The following LARS2 variants were observed in gnomAD, a reference collection of about 807,000 sequenced individuals.
LARS2 encodes the protein leucyl-tRNA synthetase 2, mitochondrial, also known as leucine--tRNA ligase, mitochondrial.
In LARS2, 81 loss-of-function variants were observed where a neutral mutation model predicts 116.6. That is an observed-to-expected ratio of 0.69 (90% CI 0.58 to 0.84). The LOEUF (loss-of-function observed/expected upper bound fraction) is 0.84, where lower values mean the gene tolerates loss of function less well. Among genes scored for constraint, LARS2 ranks in the 40% least tolerant of loss-of-function variants. The pLI, the probability that LARS2 is intolerant of heterozygous loss-of-function variation, is 0.00. For missense variants in LARS2, 968 were observed against 1,114.5 expected (o/e 0.87, Z 1.87); for synonymous variants, 396 against 407.2 (o/e 0.97, Z 0.33).
chr3:45,390,934 C>A (rs1251700070), intron 1 of LARS2, among the ~76,000 whole-genome samples: 1 of 152,164 alleles, frequency 6.6e-6, no homozygotes, highest in Non-Finnish European at 1.5e-5. Flanking sequence ...GCCACCGCAC[C>A]TGGCCCTTTG....
At chr3:45,536,146 G>A (rs1700701840) in intron 20 of LARS2, among the ~76,000 whole-genome samples, 1 of 55,328 alleles carries the variant, frequency 1.8e-5, no homozygotes, top group Non-Finnish European at 3.3e-5. Context: ...TTTTGAGACA[G>A]GGTCTCACTC....
At chr3:45,520,874 G>T (rs1700441987) in intron 19 of LARS2, among the ~76,000 whole-genome samples, 1 of 152,282 alleles carries the variant, frequency 6.6e-6, no homozygotes, top group Non-Finnish European at 1.5e-5. Flanking sequence ...TTTTAAAAAT[G>T]AAGTCCTCTC....
At position 45,547,653 on chromosome 3, in the gene LARS2, G is replaced by C. The variant is rs576417928; in HGVS notation, c.*123G>C. The C allele has an allele frequency of 3.3e-6, 3 of 900,534 alleles. No homozygotes were observed. The African/African-American group carries it at 5.0e-5, about 15-fold the overall frequency. 55.8% of individuals were successfully genotyped at this position (900,534 alleles called of 1,614,324 possible). Reference sequence around the variant, plus strand: ...GACAAATGTCTTGACTGTTGACCTCGGTCCTGTGGCAGACTGCAGTCAACA... The same window carrying C: ...GACAAATGTCTTGACTGTTGACCTCCGTCCTGTGGCAGACTGCAGTCAACA... On this transcript the variant is annotated 3_prime_UTR_variant, in exon 22 of 22. Coordinates refer to ENST00000645846, the MANE Select transcript of LARS2 (RefSeq NM_015340.4).
At chr3:45,526,912 A>G (rs887851983) in intron 20 of LARS2, among the ~76,000 whole-genome samples, 1 of 152,228 alleles carries the variant, frequency 6.6e-6, no homozygotes, top group South Asian at 2.1e-4. Flanking sequence ...AATAAGATAA[A>G]TGCAACAGTA....
intron 6 of LARS2, among the ~76,000 whole-genome samples, chr3:45,439,638 T>TTA (rs397936653): frequency 3.3e-5 from 5 of 150,756 alleles, no homozygotes. Flanking sequence ...TTTTTTTTTT[T>TTA]ATGTTTGTTT....
intron 10 of LARS2, among the ~76,000 whole-genome samples, chr3:45,481,992 CT>C (rs1699711095): frequency 6.6e-6 from 1 of 152,156 alleles, no homozygotes; most frequent in African/African-American, 2.4e-5. Context: ...ACAATTGGAT[CT>C]TTAATCCATT....
chr3:45,544,835 G>A (rs1052372808), intron 21 of LARS2, among the ~76,000 whole-genome samples: 1 of 152,180 alleles, frequency 6.6e-6, no homozygotes, highest in Admixed American at 6.5e-5. Flanking sequence ...TCTCCCCAGT[G>A]GAGAGAAGGG....
chr3:45,416,856 C>T lies in LARS2; in HGVS notation c.364-626C>T, dbSNP rs1286774751. Among the ~76,000 whole-genome samples, 6 of 151,968 alleles carry T rather than the reference C, an allele frequency of 3.9e-5. No individual in the cohort carries two copies. The East Asian group carries it at 7.7e-4, about 20-fold the overall frequency. Reference sequence around the variant, plus strand: ...TTAGGAGGCCGATGCGGGCGGATCACGAGGTCAGGAGATCGAGACCATCCT... The same window carrying T: ...TTAGGAGGCCGATGCGGGCGGATCATGAGGTCAGGAGATCGAGACCATCCT... On this transcript the variant is annotated intron_variant, in intron 4 of 21. Transcript: ENST00000645846.
intron 21 of LARS2, among the ~76,000 whole-genome samples, chr3:45,544,416 G>T (rs1168171906): frequency 3.3e-5 from 5 of 152,180 alleles, no homozygotes; most frequent in Non-Finnish European, 7.3e-5. Context: ...GCCTTATCCG[G>T]CTATTGAGAG....
chr3:45,543,498 C>A (rs1298253563), intron 21 of LARS2, among the ~76,000 whole-genome samples: 1 of 148,896 alleles, frequency 6.7e-6, no homozygotes. Context: ...GACAGAGTCT[C>A]TCTCACTCTG....
intron 18 of LARS2, among the ~76,000 whole-genome samples, chr3:45,518,613 A>G (rs1306782955): frequency 6.6e-6 from 1 of 152,074 alleles, no homozygotes; most frequent in Non-Finnish European, 1.5e-5. Context: ...CATAGTGAGG[A>G]CTTTCCCACT....
intron 6 of LARS2, among the ~76,000 whole-genome samples, chr3:45,438,045 G>A (rs556954477): frequency 6.6e-6 from 1 of 152,206 alleles, no homozygotes; most frequent in South Asian, 2.1e-4. Flanking sequence ...AAATTCAGAG[G>A]TCAAGCCCAC....
chr3:45,433,143 CTTA>C (rs1461129259), intron 6 of LARS2, among the ~76,000 whole-genome samples: 3 of 152,000 alleles, frequency 2.0e-5, no homozygotes, highest in African/African-American at 7.2e-5. Flanking sequence ...TTTCAACCCA[CTTA>C]TTATATTTGA....
chr3:45,501,273 C>T (rs148315722), intron 15 of LARS2, among the ~76,000 whole-genome samples: 8 of 150,646 alleles, frequency 5.3e-5, no homozygotes, highest in South Asian at 2.1e-4. Context: ...CGCTCTTCTA[C>T]GCCCACCACC....
intron 6 of LARS2, among the ~76,000 whole-genome samples, chr3:45,435,089 T>A (rs567566771): frequency 3.3e-5 from 5 of 152,182 alleles, no homozygotes; most frequent in Admixed American, 1.3e-4. Flanking sequence ...CTGAATAATA[T>A]AAGGGCTGTT....
chr3:45,533,054 C>CATATT (rs1354698777), intron 20 of LARS2, among the ~76,000 whole-genome samples: 1 of 150,914 alleles, frequency 6.6e-6, no homozygotes, highest in African/African-American at 2.4e-5. Flanking sequence ...AAGCTGCAGC[C>CATATT]ATATTATATT....
chr3:45,411,626 AT>A (rs1298118931), intron 4 of LARS2, among the ~76,000 whole-genome samples: 1 of 152,202 alleles, frequency 6.6e-6, no homozygotes, highest in East Asian at 1.9e-4. Flanking sequence ...ATAATGTTAA[AT>A]GAAAAAAGGT....
At chr3:45,418,361 A>G (rs1489044207) in intron 5 of LARS2, among the ~76,000 whole-genome samples, 4 of 152,180 alleles carry the variant, frequency 2.6e-5, no homozygotes, top group Non-Finnish European at 5.9e-5. Context: ...TGTCCATACT[A>G]TGGCATCCAG....
At chr3:45,451,336 G>A (rs551218453) in intron 7 of LARS2, among the ~76,000 whole-genome samples, 3 of 151,248 alleles carry the variant, frequency 2.0e-5, no homozygotes, top group South Asian at 2.1e-4. Context: ...CATAGTTTTC[G>A]GTCTTACATT....
Sources: allele counts gnomAD v4.1 joint callset (sites outside exome capture counted in the v4.1 genomes callset), GRCh38; gene constraint gnomAD v4.1.1; transcripts MANE v1.5; gene names NCBI Gene and HGNC (gene_info 2026-07-23, HGNC 2026-07-21).